Variants in NAV2 observed in about 807,000 individuals in gnomAD.
NAV2 encodes neuron navigator 2.
NAV2 carries 54 observed loss-of-function variants against 223.2 expected under a neutral mutation model. The ratio of observed to expected loss-of-function variants is 0.24; its 90% confidence interval spans 0.19 to 0.30. The LOEUF (loss-of-function observed/expected upper bound fraction) is 0.30, where lower values mean the gene tolerates loss of function less well. Among genes scored for constraint, NAV2 ranks in the 10% least tolerant of loss-of-function variants. The pLI, the probability that NAV2 is intolerant of heterozygous loss-of-function variation, is 1.00. For missense variants in NAV2, 2,806 were observed against 3,147.5 expected, an observed-to-expected ratio of 0.89 and a Z score of 2.60; for synonymous variants, 1,279 against 1,239.3, an observed-to-expected ratio of 1.03 and a Z score of -0.67.
At chr11:20,041,647 T>C (rs955558040) in intron 12 of NAV2, among the ~76,000 whole-genome samples, 4 of 152,210 alleles carry the variant, frequency 2.6e-5, no homozygotes, top group South Asian at 4.1e-4. Context: ...AGGTTAATGA[T>C]TTATACTTGT....
upstream of NAV2, among the ~76,000 whole-genome samples, chr11:19,349,009 G>A (rs1268814556): frequency 6.6e-6 from 1 of 152,232 alleles, no homozygotes; most frequent in Non-Finnish European, 1.5e-5. Flanking sequence ...AAGGGGCTGT[G>A]GAGATAGTGG....
chr11:19,891,512 G>T (rs140666525), intron 5 of NAV2, among the ~76,000 whole-genome samples: 1 of 152,262 alleles, frequency 6.6e-6, no homozygotes, highest in South Asian at 2.1e-4. Context: ...TTATTTAAAG[G>T]GAGAGTGTGT....
Position 19,933,251 on chromosome 11 carries a change from G to C in NAV2, c.1007G>C (p.Ser336Thr). Residue 336 changes from serine to threonine, a missense_variant, in exon 7 of 38, where the codon AGC (serine) becomes ACC (threonine). Ser to Thr is a moderately conservative substitution (Grantham distance 58). Around this residue, in one of 4 missense-constraint regions of NAV2, gnomAD observed 1,167 missense variants for 1,180.5 expected, o/e 0.99. Coordinates refer to ENST00000349880, the MANE Select transcript of NAV2 (RefSeq NM_145117.5). The surrounding 1 kb of genome is among the most constrained non-coding windows in gnomAD (Gnocchi z 4.3). ...NAPASLESGS[S>T]STPTNCSTSS... ...CCTGCTTCCTTGGAGAGCGGCAGCAGCTCCACCCCTACTAATTGCAGTACC... is the reference window on the plus strand; with the variant it reads ...CCTGCTTCCTTGGAGAGCGGCAGCACCTCCACCCCTACTAATTGCAGTACC... The C allele has an allele frequency of 6.2e-7, 1 of 1,609,142 alleles. No homozygotes were observed. The highest frequency in any genetic ancestry group is 1.1e-5 in the South Asian group (1 of 90,372).
intron 1 of NAV2, among the ~76,000 whole-genome samples, chr11:19,605,684 C>T (rs1273258157): frequency 6.6e-6 from 1 of 152,148 alleles, no homozygotes; most frequent in East Asian, 1.9e-4. Flanking sequence ...GGCAGCCGCA[C>T]TGCCTCCTGG....
intron 10 of NAV2, among the ~76,000 whole-genome samples, chr11:19,958,009 C>T (rs1394577359): frequency 6.6e-6 from 1 of 152,206 alleles, no homozygotes; most frequent in Non-Finnish European, 1.5e-5. Flanking sequence ...TCCCTTCCTG[C>T]CTCCCTCCCA....
At chr11:19,362,567 C>G (rs1854018515) in intron 1 of NAV2, among the ~76,000 whole-genome samples, 1 of 152,142 alleles carries the variant, frequency 6.6e-6, no homozygotes, top group South Asian at 2.1e-4. Flanking sequence ...TGCTCTGTAG[C>G]ATAAATAATA....
intron 20 of NAV2, among the ~76,000 whole-genome samples, chr11:20,063,418 G>A (rs2058832183): frequency 1.3e-5 from 2 of 152,166 alleles, no homozygotes; most frequent in Admixed American, 1.3e-4. Flanking sequence ...TGTCGCCCAG[G>A]CTGGAGTAAA....
chr11:20,084,838 T>C (rs10833240), intron 26 of NAV2, among the ~76,000 whole-genome samples: 38,350 of 152,030 alleles, frequency 0.25, 5,362 homozygotes, highest in East Asian at 0.6. Flanking sequence ...TTTAAACTTT[T>C]TGTATAGCAA....
intron 1 of NAV2, among the ~76,000 whole-genome samples, chr11:19,523,550 G>C (rs755131435): frequency 6.6e-6 from 1 of 152,192 alleles, no homozygotes; most frequent in Non-Finnish European, 1.5e-5. Context: ...GCCCAGTTCT[G>C]CTTCCTCTAG....
At chr11:20,088,495 A>G (rs953111445) in intron 26 of NAV2, among the ~76,000 whole-genome samples, 2 of 152,156 alleles carry the variant, frequency 1.3e-5, no homozygotes, top group African/African-American at 4.8e-5. Context: ...TTTCAACATC[A>G]TGTCTACGTT....
chr11:19,687,113 G>T (rs556968900), intron 1 of NAV2, among the ~76,000 whole-genome samples: 1 of 152,278 alleles, frequency 6.6e-6, no homozygotes, highest in African/African-American at 2.4e-5. Context: ...ACATGAAACT[G>T]CCCAGAGGCT....
At chr11:19,460,404 A>G (rs1852112093) in intron 1 of NAV2, among the ~76,000 whole-genome samples, 1 of 152,154 alleles carries the variant, frequency 6.6e-6, no homozygotes, top group South Asian at 2.1e-4. Flanking sequence ...ATCCCACTTT[A>G]CCTAACAAAT....
intron 5 of NAV2, among the ~76,000 whole-genome samples, chr11:19,890,733 G>A (rs1383752935): frequency 1.3e-5 from 2 of 152,168 alleles, no homozygotes; most frequent in Non-Finnish European, 2.9e-5. Flanking sequence ...AACATTGTTT[G>A]CATTGGAAGC....
rs539319060 is a variant in NAV2, at chr11:20,015,729, T to C, written c.2769-20230T>C. ...CACACAAAAGTCAATATCCAGCTGA[T>C]ATTTTAAAGAGAACAATCACTGCAA... On this transcript the variant is annotated intron_variant, in intron 11 of 37. Coordinates refer to ENST00000349880, the MANE Select transcript of NAV2 (RefSeq NM_145117.5). Among the ~76,000 whole-genome samples the C allele has an allele frequency of 3.9e-5, 6 of 152,328 alleles. No homozygotes were observed. The South Asian group carries it at 1.2e-3, about 32-fold the overall frequency.
chr11:19,880,686 A>G (rs780870768), intron 5 of NAV2, among the ~76,000 whole-genome samples: 1 of 152,142 alleles, frequency 6.6e-6, no homozygotes, highest in Non-Finnish European at 1.5e-5. Context: ...AGAGTCCCAC[A>G]ATGCAGGAGT....
At chr11:19,676,768 G>A (rs1298273338) in intron 1 of NAV2, among the ~76,000 whole-genome samples, 3 of 152,236 alleles carry the variant, frequency 2.0e-5, no homozygotes, top group Non-Finnish European at 4.4e-5. Flanking sequence ...CCACGAGGAT[G>A]CTGTGGTTTC....
chr11:19,616,780 C>T (rs2046808391), intron 1 of NAV2, among the ~76,000 whole-genome samples: 1 of 151,982 alleles, frequency 6.6e-6, no homozygotes, highest in African/African-American at 2.4e-5. Context: ...GTTCCTTTTT[C>T]CTTTTCCTGG....
At chr11:19,740,013 G>A (rs954292080) in intron 1 of NAV2, among the ~76,000 whole-genome samples, 8 of 152,240 alleles carry the variant, frequency 5.3e-5, no homozygotes, top group Middle Eastern at 3.4e-3. Flanking sequence ...CTGTTTATTC[G>A]TACTCCGAGC....
chr11:19,659,814 G>A (rs1411676246), intron 1 of NAV2, among the ~76,000 whole-genome samples: 1 of 152,154 alleles, frequency 6.6e-6, no homozygotes, highest in Non-Finnish European at 1.5e-5. Flanking sequence ...TTCAGTCCCT[G>A]AGAGCCTCAG....
Sources: gnomAD v4.1 joint callset for allele counts (sites outside exome capture counted in the v4.1 genomes callset) on GRCh38, gnomAD v4.1.1 for gene constraint, gnomAD v4.1.1 regional missense constraint, Gnocchi (gnomAD v3.1) non-coding constraint, MANE v1.5 for transcripts, NCBI Gene and HGNC (gene_info 2026-07-23, HGNC 2026-07-21) for gene names.